RNLS: variants seen among roughly 807,000 people sequenced by gnomAD.
RNLS encodes the protein renalase, FAD dependent amine oxidase.
A neutral mutation model predicts 39.8 loss-of-function variants in RNLS; 39 were observed. The ratio of observed to expected loss-of-function variants is 0.98; its 90% CI spans 0.76 to 1.28. The LOEUF is 1.28. Ranked by LOEUF, RNLS falls within the 50% of genes most tolerant of loss-of-function variation. The pLI, the probability that RNLS is intolerant of heterozygous loss-of-function variation, is 0.00. For synonymous variants in RNLS, 147 were observed against 150.7 expected (o/e 0.98, Z 0.18); for missense variants, 410 against 413.3 (o/e 0.99, Z 0.07).
chr10:88,223,913 C>T, the RNLS span, among the ~76,000 whole-genome samples: 1 of 152,012 alleles, frequency 6.6e-6, no homozygotes, highest in Admixed American at 6.6e-5. Context: ...CAATCAGATC[C>T]CTTCTTTTAA....
At chr10:88,566,816 G>A (rs1849528318) in intron 4 of RNLS, among the ~76,000 whole-genome samples, 1 of 151,994 alleles carries the variant, frequency 6.6e-6, no homozygotes, top group African/African-American at 2.4e-5. Context: ...AGTATTAGAA[G>A]GAAACTTACC....
chr10:88,363,368 C>T (rs1320942898), intron 4 of RNLS, among the ~76,000 whole-genome samples: 3 of 152,020 alleles, frequency 2.0e-5, no homozygotes, highest in Non-Finnish European at 4.4e-5. Context: ...ATGTAACAAA[C>T]CTGAGCATCC....
intron 4 of RNLS, among the ~76,000 whole-genome samples, chr10:88,482,753 G>A (rs1219254757): frequency 6.6e-6 from 1 of 152,014 alleles, no homozygotes; most frequent in African/African-American, 2.4e-5. Flanking sequence ...AACATTTTAG[G>A]TAATATATTG....
chr10:88,289,310 C>T (rs1306610524), intron 6 of RNLS, among the ~76,000 whole-genome samples: 1 of 152,140 alleles, frequency 6.6e-6, no homozygotes, highest in African/African-American at 2.4e-5. Context: ...TCACCTTTGT[C>T]ACCCTTGTCC....
chr10:88,269,127 G>C (rs1842579210), downstream of RNLS, among the ~76,000 whole-genome samples: 1 of 152,174 alleles, frequency 6.6e-6, no homozygotes, highest in Non-Finnish European at 1.5e-5. Flanking sequence ...ATCCTCTTTG[G>C]GGAGAAAGCA....
At chr10:88,215,166 TATTA>T in the RNLS span, among the ~76,000 whole-genome samples, 3 of 151,488 alleles carry the variant, frequency 2.0e-5, no homozygotes, top group Non-Finnish European at 2.9e-5. Context: ...TTACTAGTTA[TATTA>T]ATTATAGTAC....
At chr10:88,351,470 C>T (rs1848701787) in intron 5 of RNLS, among the ~76,000 whole-genome samples, 1 of 152,150 alleles carries the variant, frequency 6.6e-6, no homozygotes, top group African/African-American at 2.4e-5. Context: ...TTCCCAGCAC[C>T]ATTTGTTAAA....
intron 4 of RNLS, among the ~76,000 whole-genome samples, chr10:88,517,283 T>G (rs1044393009): frequency 6.6e-6 from 1 of 151,932 alleles, no homozygotes; most frequent in Admixed American, 6.6e-5. Flanking sequence ...AAAGAATAAA[T>G]GTATCAACTT....
At chr10:88,501,705 A>G (rs1056428576) in intron 4 of RNLS, among the ~76,000 whole-genome samples, 2 of 152,292 alleles carry the variant, frequency 1.3e-5, no homozygotes, top group South Asian at 2.1e-4. Flanking sequence ...TCTTTAATTC[A>G]TAACCTAAAA....
In RNLS at chr10:88,356,090, T is replaced by C. The variant is rs1849160097; in HGVS notation, c.700+6462A>G. On this transcript the variant is annotated intron_variant, in intron 5 of 6. Transcript: ENST00000331772. ...GAAAAGAGCAGTATTAGGGTGGGAG[T>C]GACTGATTTTCCAAGTGCTGTCTGT... Among the ~76,000 whole-genome samples, 4 of 151,812 alleles carry C rather than the reference T, an allele frequency of 2.6e-5. No homozygotes were observed. The South Asian group carries it at 8.3e-4, about 31-fold the overall frequency.
At chr10:88,172,828 G>A in the RNLS span, among the ~76,000 whole-genome samples, 5 of 64,182 alleles carry the variant, frequency 7.8e-5, no homozygotes, top group South Asian at 2.0e-3. Flanking sequence ...TTAAACTTCT[G>A]TGCATTTTGA....
chr10:88,566,038 C>T (rs1037419832), intron 4 of RNLS, among the ~76,000 whole-genome samples: 4 of 151,664 alleles, frequency 2.6e-5, no homozygotes, highest in East Asian at 1.9e-4. Context: ...GAAGCCACCG[C>T]GCCCGGCCAA....
intron 6 of RNLS, among the ~76,000 whole-genome samples, chr10:88,290,315 TAAAC>T (rs1051253653): frequency 1.3e-5 from 2 of 152,166 alleles, no homozygotes; most frequent in African/African-American, 4.8e-5. Context: ...TTTGGTTACT[TAAAC>T]AAACCTTTCT....
intron 5 of RNLS, among the ~76,000 whole-genome samples, chr10:88,340,789 C>T (rs908513083): frequency 2.0e-5 from 3 of 152,046 alleles, no homozygotes; most frequent in African/African-American, 4.8e-5. Flanking sequence ...AGGCTGGGTG[C>T]GGTGGCTCTC....
At chr10:88,551,777 T>C (rs1848615940) in intron 4 of RNLS, among the ~76,000 whole-genome samples, 1 of 152,162 alleles carries the variant, frequency 6.6e-6, no homozygotes, top group Non-Finnish European at 1.5e-5. Flanking sequence ...CTTTTATCTC[T>C]CCCATCTTGC....
chr10:88,308,217 G>A (rs1564679287), intron 6 of RNLS, among the ~76,000 whole-genome samples: 1 of 152,154 alleles, frequency 6.6e-6, no homozygotes, highest in Non-Finnish European at 1.5e-5. Context: ...ATAGGAAGAG[G>A]CAAAGATTTC....
intron 4 of RNLS, among the ~76,000 whole-genome samples, chr10:88,376,581 G>A (rs1294344024): frequency 6.6e-6 from 1 of 152,102 alleles, no homozygotes; most frequent in African/African-American, 2.4e-5. Flanking sequence ...CTGTTACTCA[G>A]GCATGGCTGG....
the RNLS span, among the ~76,000 whole-genome samples, chr10:88,244,684 T>C: frequency 6.8e-6 from 1 of 146,598 alleles, no homozygotes; most frequent in African/African-American, 2.5e-5. Context: ...TGTTTAAGGT[T>C]TTCATGCTTT....
At chr10:88,446,412 A>G (rs1842039515) in intron 4 of RNLS, among the ~76,000 whole-genome samples, 1 of 152,228 alleles carries the variant, frequency 6.6e-6, no homozygotes, top group African/African-American at 2.4e-5. Flanking sequence ...GAACTAGAGA[A>G]GCAAGAGCAA....
Sources: allele counts gnomAD v4.1 joint callset (sites outside exome capture counted in the v4.1 genomes callset), GRCh38; gene constraint gnomAD v4.1.1; transcripts MANE v1.5; gene names NCBI Gene and HGNC (gene_info 2026-07-23, HGNC 2026-07-21).